Variants in METTL13 observed in about 807,000 individuals in gnomAD.
METTL13 encodes eEF1A lysine and N-terminal methyltransferase.
Under a neutral mutation model 67.4 loss-of-function variants are expected in METTL13, and 52 were observed. The ratio of observed to expected loss-of-function variants is 0.77; its 90% CI spans 0.62 to 0.97. The LOEUF (loss-of-function observed/expected upper bound fraction) is 0.97. METTL13 is among the 50% of genes least tolerant of loss of function. The probability of loss-of-function intolerance (pLI) is 0.00; values close to 1 mark genes in which losing one functional copy is unlikely to be tolerated. For synonymous variants in METTL13, 354 were observed against 353.6 expected (o/e 1.00, Z -0.01); for missense variants, 825 against 889.6 (o/e 0.93, Z 0.92).
chr1:171,794,544 G>A lies in METTL13; in HGVS notation c.1825+17G>A, dbSNP rs377660498. ...CTCCTGAAGGTATGGAGAACAAAAG[G>A]TGGGAGAGGGAGGAGAGAAGGGACC... On this transcript the variant is annotated intron_variant, in intron 7 of 7. Transcript: ENST00000361735. 1.1e-5 allele frequency: 18 copies of A among 1,613,922 alleles called. No individual in the cohort carries two copies. Among genetic ancestry groups the A allele is most frequent in the Non-Finnish European group, 1.5e-5 (18 of 1,179,920 alleles).
Position 171,781,866 on chromosome 1 carries a change from C to T in METTL13, c.-102C>T. ...GGCTGTTTTTCCGTGGAAAGAATTC[C>T]CACTGCAGTGTCCCGGAGCCTGCGT... On this transcript the variant is annotated 5_prime_UTR_variant, in exon 1 of 8. Transcript: ENST00000361735. The T allele has an allele frequency of 6.5e-7, 1 of 1,543,004 alleles. No homozygotes were observed. The highest frequency in any genetic ancestry group is 8.7e-7 in the Non-Finnish European group (1 of 1,145,326).
chr1:171,786,834 GTTT>G (rs989696727), intron 3 of METTL13, among the ~76,000 whole-genome samples: 2 of 148,768 alleles, frequency 1.3e-5, no homozygotes, highest in African/African-American at 4.9e-5. Flanking sequence ...TACCTGGCTA[GTTT>G]TTTTTTTACA....
Position 171,784,063 on chromosome 1 carries a change from C to T in METTL13, c.477C>T (p.Ile159=), listed in dbSNP as rs1222208416. The change falls in exon 2 of 8, where the codon ATC becomes ATT. Residue 159 remains isoleucine, a synonymous_variant. Coordinates refer to ENST00000361735, the MANE Select transcript of METTL13 (RefSeq NM_015935.5). ...VLQVGGRYLC[I]SLAQAHILKK... Reference sequence around the variant, plus strand: ...AGGTGGGCGGTCGCTATCTCTGCATCTCCCTGGCTCAGGCTCACATCCTGA... The same window carrying T: ...AGGTGGGCGGTCGCTATCTCTGCATTTCCCTGGCTCAGGCTCACATCCTGA... The T allele has an allele frequency of 1.2e-6, 2 of 1,614,240 alleles. No individual in the cohort carries two copies. Among genetic ancestry groups the T allele is most frequent in the African/African-American group, 1.3e-5 (1 of 75,056 alleles).
intron 4 of METTL13, among the ~76,000 whole-genome samples, chr1:171,789,287 G>C (rs1213733604): frequency 6.6e-6 from 1 of 152,206 alleles, no homozygotes; most frequent in Non-Finnish European, 1.5e-5. Flanking sequence ...GGGGAATGCA[G>C]CTGATCCCTA....
chr1:171,793,183 A>G (rs947947165), intron 6 of METTL13, among the ~76,000 whole-genome samples: 1 of 152,210 alleles, frequency 6.6e-6, no homozygotes, highest in Non-Finnish European at 1.5e-5. Context: ...GTGGCAAACT[A>G]GGAGGCCTGG....
intron 7 of METTL13, 118 bp from the exon 8 acceptor site, chr1:171,796,362 CGT>C: frequency 8.4e-7 from 1 of 1,190,070 alleles, no homozygotes; most frequent in South Asian, 1.4e-5. Context: ...TCATCACCAC[CGT>C]GTGTTTTAGT....
rs1307360638 is a variant in METTL13, at chr1:171,796,471, C to T, written c.1826-11C>T. On this transcript the variant is annotated splice_polypyrimidine_tract_variant and intron_variant, in intron 7 of 7. Coordinates refer to ENST00000361735, the MANE Select transcript of METTL13 (RefSeq NM_015935.5). ...TGTGAGGTCATTCTGACTTTTCTTCCTACCCTATAGGTGTTTTTATTCTCA... is the reference window on the plus strand; with the variant it reads ...TGTGAGGTCATTCTGACTTTTCTTCTTACCCTATAGGTGTTTTTATTCTCA... The T allele has an allele frequency of 6.2e-7, 1 of 1,613,016 alleles. No homozygotes were observed. The highest frequency in any genetic ancestry group is 1.3e-5 in the African/African-American group (1 of 74,828).
At chr1:171,789,486 C>T (rs1467684853) in intron 4 of METTL13, among the ~76,000 whole-genome samples, 2 of 152,076 alleles carry the variant, frequency 1.3e-5, no homozygotes, top group African/African-American at 2.4e-5. Context: ...ACAGGCAGTC[C>T]GAGGATCAAC....
intron 4 of METTL13, among the ~76,000 whole-genome samples, chr1:171,790,154 G>A (rs1285397219): frequency 1.3e-5 from 2 of 152,136 alleles, no homozygotes; most frequent in Non-Finnish European, 2.9e-5. Context: ...TCTAGAGTGA[G>A]AACTCACTCA....
chr1:171,789,587 T>TC (rs1189003039), intron 4 of METTL13, among the ~76,000 whole-genome samples: 20 of 152,186 alleles, frequency 1.3e-4, no homozygotes, highest in Non-Finnish European at 2.4e-4. Flanking sequence ...GATAAGGTTG[T>TC]TAGAAGAGCT....
intron 3 of METTL13, among the ~76,000 whole-genome samples, chr1:171,786,449 A>G (rs368450385): frequency 6.6e-6 from 1 of 152,136 alleles, no homozygotes; most frequent in Non-Finnish European, 1.5e-5. Flanking sequence ...ATCTGAGGGT[A>G]TAAATGGAAG....
intron 4 of METTL13, among the ~76,000 whole-genome samples, chr1:171,789,334 A>G (rs1311715547): frequency 1.3e-5 from 2 of 152,218 alleles, no homozygotes; most frequent in Non-Finnish European, 2.9e-5. Flanking sequence ...GATACCCTGG[A>G]GCAGGGAAGG....
In METTL13 at chr1:171,792,252, A is replaced by G. The variant is rs1657233507; in HGVS notation, c.1693+17A>G. ...GAGGAGAAGGTACTGCTCTTGGAGCATTTGAAGGGGTGTTGAGGGATGATT... is the reference window on the plus strand; with the variant it reads ...GAGGAGAAGGTACTGCTCTTGGAGCGTTTGAAGGGGTGTTGAGGGATGATT... On this transcript the variant is annotated intron_variant, in intron 6 of 7. Transcript: ENST00000361735. The G allele has an allele frequency of 6.2e-7, 1 of 1,613,798 alleles. No individual in the cohort carries two copies. Among genetic ancestry groups the G allele is most frequent in the Non-Finnish European group, 8.5e-7 (1 of 1,179,800 alleles).
chr1:171,788,819 T>C (rs1657109648), intron 4 of METTL13, among the ~76,000 whole-genome samples: 1 of 152,236 alleles, frequency 6.6e-6, no homozygotes, highest in Non-Finnish European at 1.5e-5. Flanking sequence ...TTCCCAGTTG[T>C]TCCCTTTGCC....
At chr1:171,790,340 T>C in intron 4 of METTL13, 112 bp from the exon 5 acceptor site, 2 of 1,242,320 alleles carry the variant, frequency 1.6e-6, no homozygotes, top group Non-Finnish European at 2.1e-6. Flanking sequence ...TTGCAAAATT[T>C]TAACGATTGG....
intron 1 of METTL13, among the ~76,000 whole-genome samples, chr1:171,782,336 C>T (rs1355123738): frequency 6.6e-6 from 1 of 151,968 alleles, no homozygotes; most frequent in Non-Finnish European, 1.5e-5. Flanking sequence ...TTTGGGAGAC[C>T]GAGGTGGGAG....
Position 171,783,264 on chromosome 1 carries a change from G to T in METTL13, c.154-476G>T, listed in dbSNP as rs1231329942. 3.9e-5 allele frequency among the ~76,000 whole-genome samples: 6 copies of T among 152,160 alleles called. No individual in the cohort carries two copies. The East Asian group carries it at 9.6e-4, about 24-fold the overall frequency. The stretch of plus-strand genomic sequence containing the variant: ...CTGAATTTTAAGTTCGGCTTCAGAA[G>T]ATAGCCAAATATCATGAGATGGAAT... On this transcript the variant is annotated intron_variant, in intron 1 of 7. Coordinates refer to ENST00000361735, the MANE Select transcript of METTL13 (RefSeq NM_015935.5).
chr1:171,788,662 T>C (rs1453658676), intron 4 of METTL13, among the ~76,000 whole-genome samples: 1 of 152,216 alleles, frequency 6.6e-6, no homozygotes, highest in Non-Finnish European at 1.5e-5. Flanking sequence ...AGTTTGTATT[T>C]TAAAAGTGAT....
chr1:171,790,862 T>C, intron 5 of METTL13: 1 of 347,544 alleles, frequency 2.9e-6, no homozygotes, highest in Non-Finnish European at 5.1e-6. Flanking sequence ...TCATTTCTTT[T>C]TAAAATTAAG....
Sources: allele counts gnomAD v4.1 joint callset (sites outside exome capture counted in the v4.1 genomes callset), GRCh38; gene constraint gnomAD v4.1.1; transcripts MANE v1.5; gene names NCBI Gene and HGNC (gene_info 2026-07-23, HGNC 2026-07-21).